ERC2: variants seen among roughly 807,000 people sequenced by gnomAD.
The protein encoded by ERC2 is ELKS/RAB6-interacting/CAST family member 2.
ERC2 carries 42 observed loss-of-function variants against 114.8 expected under a neutral mutation model. The ratio of observed to expected loss-of-function variants is 0.37; its 90% CI spans 0.29 to 0.47. ERC2 has a LOEUF of 0.47. Among genes scored for constraint, ERC2 ranks in the 20% least tolerant of loss-of-function variants. The pLI is 0.99. For synonymous variants in ERC2, 454 were observed against 425.5 expected, an observed-to-expected ratio of 1.07 and a Z score of -0.82; for missense variants, 939 against 1,150.7, an observed-to-expected ratio of 0.82 and a Z score of 2.66.
At chr3:55,600,415 A>T (rs2058345607) in intron 17 of ERC2, among the ~76,000 whole-genome samples, 1 of 152,216 alleles carries the variant, frequency 6.6e-6, no homozygotes, top group Non-Finnish European at 1.5e-5. Context: ...TTAAGAGCAC[A>T]CATCAAGATG....
At chr3:55,640,115 G>A (rs554653786) in intron 17 of ERC2, among the ~76,000 whole-genome samples, 6 of 152,164 alleles carry the variant, frequency 3.9e-5, no homozygotes, top group Non-Finnish European at 7.4e-5. Context: ...CACCTCCCCC[G>A]CAGAGAAGTC....
chr3:55,998,585 G>A (rs7620775), intron 10 of ERC2, among the ~76,000 whole-genome samples: 49,673 of 151,986 alleles, frequency 0.33, 8,741 homozygotes, highest in East Asian at 0.49. Flanking sequence ...ACTGTGCTGG[G>A]AGATAACTGG....
chr3:55,758,024 T>A (rs540448806), intron 14 of ERC2, among the ~76,000 whole-genome samples: 219 of 152,250 alleles, frequency 1.4e-3, no homozygotes, highest in African/African-American at 5.1e-3. Flanking sequence ...GAGAATTACA[T>A]CTGATGACTA....
At chr3:56,036,264 G>A (rs1034979973) in intron 7 of ERC2, among the ~76,000 whole-genome samples, 24 of 152,202 alleles carry the variant, frequency 1.6e-4, no homozygotes, top group African/African-American at 4.3e-4. Flanking sequence ...TCAATGGAGA[G>A]AAGCTGAAAA....
chr3:55,846,693 T>TTTCTCTC (rs2061382989), intron 14 of ERC2, among the ~76,000 whole-genome samples: 2 of 142,820 alleles, frequency 1.4e-5, no homozygotes, highest in East Asian at 2.1e-4. Flanking sequence ...CTCTCTCTCT[T>TTTCTCTC]TCTCTCTCTC....
chr3:56,225,309 T>C (rs2050179558), intron 3 of ERC2, among the ~76,000 whole-genome samples: 1 of 152,116 alleles, frequency 6.6e-6, no homozygotes, highest in African/African-American at 2.4e-5. Context: ...CACCAGGCCA[T>C]GATAATCCAC....
At position 55,926,430 on chromosome 3, in the gene ERC2, T is replaced by G. The variant is rs1179950612; in HGVS notation, c.2403+23995A>C. Among the ~76,000 whole-genome samples the G allele has an allele frequency of 4.5e-5, 5 of 110,830 alleles. No individual in the cohort carries two copies. The South Asian group carries it at 1.4e-3, about 32-fold the overall frequency. The allele number at this position is 110,830 out of a possible 152,430, so 72.7% of individuals were successfully genotyped here. A position where few individuals can be genotyped will look rare whatever the true frequency, so the allele number is the denominator to read the frequency against. ...TTTTTGTTTTTAAAAAAAAAAAAACTAAAAGATCGAAGTCCTACACCTTGA... is the reference window on the plus strand; with the variant it reads ...TTTTTGTTTTTAAAAAAAAAAAAACGAAAAGATCGAAGTCCTACACCTTGA... On this transcript the variant is annotated intron_variant, in intron 13 of 17. Transcript: ENST00000288221.
At chr3:55,860,553 T>C (rs1456929554) in intron 14 of ERC2, among the ~76,000 whole-genome samples, 1 of 152,154 alleles carries the variant, frequency 6.6e-6, no homozygotes, top group Non-Finnish European at 1.5e-5. Context: ...ACCAAGCCAG[T>C]CACTCTGAAT....
chr3:56,050,172 C>T (rs1340372175), intron 7 of ERC2, among the ~76,000 whole-genome samples: 3 of 151,986 alleles, frequency 2.0e-5, no homozygotes, highest in Non-Finnish European at 4.4e-5. Context: ...AGATTGTACA[C>T]CAAAAAGGAG....
intron 17 of ERC2, among the ~76,000 whole-genome samples, chr3:55,536,093 A>C (rs2053985111): frequency 6.6e-6 from 1 of 152,240 alleles, no homozygotes; most frequent in Non-Finnish European, 1.5e-5. Context: ...AAACTTTCTA[A>C]AACATACAAA....
At chr3:55,911,140 T>A (rs180699903) in intron 13 of ERC2, among the ~76,000 whole-genome samples, 37 of 152,316 alleles carry the variant, frequency 2.4e-4, no homozygotes, top group Admixed American at 1.1e-3. Flanking sequence ...CCTGATGATG[T>A]AACTTAACAG....
intron 2 of ERC2, among the ~76,000 whole-genome samples, chr3:56,376,204 T>A (rs186077292): frequency 8.7e-4 from 133 of 152,160 alleles, no homozygotes; most frequent in Non-Finnish European, 1.6e-3. Flanking sequence ...AGTCAGTAAG[T>A]TTTGAGGGGA....
At chr3:56,078,095 C>T (rs1464676613) in intron 7 of ERC2, among the ~76,000 whole-genome samples, 1 of 152,134 alleles carries the variant, frequency 6.6e-6, no homozygotes, top group African/African-American at 2.4e-5. Flanking sequence ...TCTGTTATTC[C>T]CACGTATCCT....
chr3:55,562,890 T>C (rs895717898), intron 17 of ERC2, among the ~76,000 whole-genome samples: 1 of 152,186 alleles, frequency 6.6e-6, no homozygotes, highest in African/African-American at 2.4e-5. Context: ...CTGACAGGTG[T>C]AAAATTTTAT....
At position 55,576,745 on chromosome 3, in the gene ERC2, G is replaced by A. The variant is rs115697612; in HGVS notation, c.*40-65469C>T. Among the ~76,000 whole-genome samples, 33 of 152,330 alleles carry A rather than the reference G, an allele frequency of 2.2e-4. No homozygotes were observed. The South Asian group carries it at 6.2e-3, about 29-fold the overall frequency. On this transcript the variant is annotated intron_variant, in intron 17 of 17. Transcript: ENST00000288221. ...CTTTATGGCCTGGGCTGACGGCCCC[G>A]TCCTCGTGCCTAGCCCCTCAGCTTC...
At chr3:55,812,460 T>C (rs1384104640) in intron 14 of ERC2, among the ~76,000 whole-genome samples, 1 of 152,212 alleles carries the variant, frequency 6.6e-6, no homozygotes, top group African/African-American at 2.4e-5. Context: ...TTGTTGTGTA[T>C]CCATGATGTT....
chr3:55,608,868 C>T (rs2058759698), intron 17 of ERC2, among the ~76,000 whole-genome samples: 1 of 152,244 alleles, frequency 6.6e-6, no homozygotes, highest in South Asian at 2.1e-4. Flanking sequence ...AATTTAGACA[C>T]TGGCTTCCGA....
intron 2 of ERC2, among the ~76,000 whole-genome samples, chr3:56,371,330 G>C (rs1007631734): frequency 6.6e-6 from 1 of 152,236 alleles, no homozygotes; most frequent in Admixed American, 6.5e-5. Context: ...GCCAAATACT[G>C]CACTTTTAAT....
At position 55,547,534 on chromosome 3, in the gene ERC2, T is replaced by C. The variant is rs751830791; in HGVS notation, c.*40-36258A>G. Among the ~76,000 whole-genome samples the C allele has an allele frequency of 4.9e-4, 75 of 152,328 alleles. 1 individual carries two copies. Among genetic ancestry groups the C allele is most frequent in the Admixed American group, 4.6e-4 (7 of 15,304 alleles). ...GTCTTCTTTCTCATAAAATGTCTCA[T>C]TGTTGCTCCGGCAGCTCCTCTTTAG... On this transcript the variant is annotated intron_variant, in intron 17 of 17. Transcript: ENST00000288221.
Sources: gnomAD v4.1 joint callset for allele counts (sites outside exome capture counted in the v4.1 genomes callset) on GRCh38, gnomAD v4.1.1 for gene constraint, MANE v1.5 for transcripts, NCBI Gene and HGNC (gene_info 2026-07-23, HGNC 2026-07-21) for gene names.